The following MEP1A variants were observed in gnomAD, a reference collection of about 807,000 sequenced individuals.
MEP1A encodes meprin A subunit alpha.
Under a neutral mutation model 84.5 loss-of-function variants are expected in MEP1A, and 68 were observed. That is an observed-to-expected ratio of 0.80 (90% confidence interval 0.66 to 0.98). The LOEUF is 0.98. MEP1A is among the 50% of genes least tolerant of loss of function. The pLI is 0.00. For missense variants in MEP1A, 887 were observed against 919.9 expected, an observed-to-expected ratio of 0.96 and a Z score of 0.46; for synonymous variants, 337 against 336.8, an observed-to-expected ratio of 1.00 and a Z score of -0.01.
At chr6:46,809,642 C>T (rs932785418) in intron 6 of MEP1A, 105 bp downstream of exon 6, 33 of 650,806 alleles carry the variant, frequency 5.1e-5, no homozygotes, top group East Asian at 3.9e-4. Context: ...TTTGTCTTTG[C>T]GTCCTCATAA....
intron 7 of MEP1A, among the ~76,000 whole-genome samples, chr6:46,822,618 A>C (rs1237956632): frequency 6.6e-6 from 1 of 152,128 alleles, no homozygotes; most frequent in African/African-American, 2.4e-5. Flanking sequence ...ATCTCAGCTC[A>C]CTACAACCTC....
At position 46,837,895 on chromosome 6, in the gene MEP1A, ATT is replaced by A. The variant is rs111794847; in HGVS notation, c.2085-1072_2085-1071del. ...TAGTAAAAGAAAATGCTGACTTCTT[ATT>A]TTTTTTTTTTTTGAGACAGTTTTTG... On this transcript the variant is annotated intron_variant, in intron 13 of 13. Transcript: ENST00000230588. 2.0e-3 allele frequency among the ~76,000 whole-genome samples: 280 copies of A among 143,576 alleles called. 2 individuals carry two copies. The highest frequency in any genetic ancestry group is 6.7e-3 in the African/African-American group (264 of 39,498). The allele number at this position is 143,576 out of a possible 152,430, so 94.2% of individuals were successfully genotyped here.
At chr6:46,843,750 T>C (rs1352356853), downstream of MEP1A, among the ~76,000 whole-genome samples, 1 of 152,202 alleles carries the variant, frequency 6.6e-6, no homozygotes, top group South Asian at 2.1e-4. Context: ...CACCTTCCCT[T>C]CTTGAGCTCT....
intron 10 of MEP1A, among the ~76,000 whole-genome samples, chr6:46,830,648 A>C (rs112188017): frequency 1.3e-5 from 2 of 152,166 alleles, no homozygotes; most frequent in African/African-American, 4.8e-5. Context: ...TAATTTATCA[A>C]TTGAAATGAG....
At chr6:46,835,875 A>T (rs1292579481) in intron 13 of MEP1A, among the ~76,000 whole-genome samples, 1 of 152,214 alleles carries the variant, frequency 6.6e-6, no homozygotes, top group East Asian at 1.9e-4. Context: ...TTTCTACTCC[A>T]TGAGGGTGGG....
chr6:46,838,942 G>C, intron 13 of MEP1A, 38 bp from the exon 14 acceptor site: 3 of 1,581,666 alleles, frequency 1.9e-6, no homozygotes, highest in Non-Finnish European at 2.6e-6. Flanking sequence ...CTGAGGCCTG[G>C]GTAGTTCCCA....
chr6:46,809,649 A>G (rs950296569), intron 6 of MEP1A, 112 bp downstream of exon 6: 20 of 636,002 alleles, frequency 3.1e-5, no homozygotes, highest in African/African-American at 5.5e-5. Flanking sequence ...TTGCGTCCTC[A>G]TAACTTAGCT....
intron 6 of MEP1A, 72 bp from the exon 7 acceptor site, chr6:46,819,457 T>G: frequency 7.9e-7 from 1 of 1,263,618 alleles, no homozygotes. Flanking sequence ...CTAATTTGTG[T>G]TTTGGAGTAC....
chr6:46,809,250 C>T (rs925769299), intron 5 of MEP1A, among the ~76,000 whole-genome samples, 170 bp from the exon 6 acceptor site: 10 of 152,070 alleles, frequency 6.6e-5, no homozygotes, highest in African/African-American at 2.2e-4. Flanking sequence ...TTGCAGATGT[C>T]CACAACCAAT....
downstream of MEP1A, chr6:46,839,809 G>A (rs1277487157): frequency 6.6e-6 from 1 of 152,160 alleles, no homozygotes; most frequent in Non-Finnish European, 1.5e-5. Flanking sequence ...GTATATAAGT[G>A]TGGGTGTGCA....
intron 3 of MEP1A, among the ~76,000 whole-genome samples, chr6:46,794,993 C>A (rs1431031696): frequency 6.6e-6 from 1 of 152,278 alleles, no homozygotes; most frequent in African/African-American, 2.4e-5. Context: ...AACCAAACCA[C>A]CAGGATTGAT....
At chr6:46,796,035 T>G (rs548950520) in intron 3 of MEP1A, among the ~76,000 whole-genome samples, 1 of 152,272 alleles carries the variant, frequency 6.6e-6, no homozygotes, top group Admixed American at 6.5e-5. Context: ...ACTCTTCCCC[T>G]TCCTACTTGA....
intron 3 of MEP1A, among the ~76,000 whole-genome samples, chr6:46,796,246 G>A (rs1393820788): frequency 6.6e-6 from 1 of 151,906 alleles, no homozygotes; most frequent in Non-Finnish European, 1.5e-5. Flanking sequence ...AAGGGACTCT[G>A]ATGCTCAAGT....
Position 46,799,130 on chromosome 6 carries a change from C to G in MEP1A, c.211C>G (p.Pro71Ala). 2 of 1,613,224 alleles carry G rather than the reference C, an allele frequency of 1.2e-6. No individual in the cohort carries two copies. Among genetic ancestry groups the G allele is most frequent in the African/African-American group, 2.7e-5 (2 of 75,010 alleles). Residue 71 changes from proline to alanine, a missense_variant, in exon 5 of 14, where the codon CCA becomes GCA. Physicochemically the swap from Pro to Ala is conservative, Grantham distance 27. Coordinates refer to ENST00000230588, the MANE Select transcript of MEP1A (RefSeq NM_005588.3). ...GAAATCCAGAAATGGCCTGAGAGAC[C>G]CAAACACCAGGTGGACGTTCCCCAT... ...LQKSRNGLRD[P>A]NTRWTFPIPY...
chr6:46,824,253 TAC>T (rs1767847432), intron 7 of MEP1A, among the ~76,000 whole-genome samples: 1 of 152,022 alleles, frequency 6.6e-6, no homozygotes, highest in South Asian at 2.1e-4. Context: ...CTGAAAGTCT[TAC>T]ACACACGTAC....
intron 6 of MEP1A, among the ~76,000 whole-genome samples, chr6:46,813,998 T>C (rs1432975693): frequency 6.6e-6 from 1 of 152,218 alleles, no homozygotes; most frequent in East Asian, 1.9e-4. Context: ...TCCTTTGTCT[T>C]GATTTGAGAT....
intron 6 of MEP1A, among the ~76,000 whole-genome samples, chr6:46,810,374 G>C (rs1767469098): frequency 6.6e-6 from 1 of 152,028 alleles, no homozygotes; most frequent in Non-Finnish European, 1.5e-5. Flanking sequence ...TTCGTCCTTT[G>C]TTGGATGTAT....
rs1562113921 is a variant in MEP1A at position 46,825,005 on chromosome 6, A to AATATATATAAATTAT, written c.557-267_557-266insATATATATAAATTAT. On this transcript the variant is annotated intron_variant, in intron 7 of 13. Coordinates refer to ENST00000230588, the MANE Select transcript of MEP1A (RefSeq NM_005588.3). ...TTATATATTTAAATAGATCTATTTA[A>AATATATATAAATTAT]GTATATATAAATTATATATTTAAAT... 7.5e-5 allele frequency among the ~76,000 whole-genome samples: 5 copies of AATATATATAAATTAT among 66,722 alleles called. 1 individual carries two copies. Among genetic ancestry groups the AATATATATAAATTAT allele is most frequent in the African/African-American group, 1.7e-4 (3 of 17,624 alleles). 43.8% of individuals were successfully genotyped at this position (66,722 alleles called of 152,430 possible).
intron 7 of MEP1A, among the ~76,000 whole-genome samples, chr6:46,821,741 C>T (rs1767780224): frequency 6.6e-6 from 1 of 152,074 alleles, no homozygotes; most frequent in Non-Finnish European, 1.5e-5. Flanking sequence ...GGGACATTTG[C>T]CAGGGTCAAG....
Sources: allele counts gnomAD v4.1 joint callset (sites outside exome capture counted in the v4.1 genomes callset), GRCh38; gene constraint gnomAD v4.1.1; transcripts MANE v1.5; gene names NCBI Gene and HGNC (gene_info 2026-07-23, HGNC 2026-07-21).